Variants in TRMT9B observed in about 807,000 individuals in gnomAD.
The protein encoded by TRMT9B is tRNA methyltransferase 9B (putative), also known as probable tRNA methyltransferase 9B.
In TRMT9B, 16 loss-of-function variants were observed where a neutral mutation model predicts 11.5. The observed-to-expected ratio is 1.39, with a 90% CI of 0.94 to 2.11. The LOEUF (loss-of-function observed/expected upper bound fraction) is 2.11, where lower values mean the gene tolerates loss of function less well. Among genes scored for constraint, TRMT9B ranks in the 30% most tolerant of loss-of-function variants. The probability of loss-of-function intolerance (pLI) is 0.00; values close to 1 mark genes in which losing one functional copy is unlikely to be tolerated. For missense variants in TRMT9B, 941 were observed against 553.8 expected, an observed-to-expected ratio of 1.70 and a Z score of -7.02; for synonymous variants, 274 against 192.4, an observed-to-expected ratio of 1.42 and a Z score of -3.51.
intron 1 of TRMT9B, among the ~76,000 whole-genome samples, chr8:12,971,826 T>A (rs1183822869): frequency 2.0e-5 from 3 of 152,250 alleles, no homozygotes; most frequent in Non-Finnish European, 4.4e-5. Context: ...AGTGTTTAAA[T>A]ATTTCCTATT....
chr8:13,003,792 C>T (rs1257301966), intron 2 of TRMT9B, among the ~76,000 whole-genome samples: 2 of 150,900 alleles, frequency 1.3e-5, no homozygotes, highest in African/African-American at 4.9e-5. Flanking sequence ...ACCCTCCCCA[C>T]AAGGACCAGA....
chr8:12,961,539 A>G (rs1278147142), intron 1 of TRMT9B, among the ~76,000 whole-genome samples: 1 of 151,472 alleles, frequency 6.6e-6, no homozygotes, highest in Admixed American at 6.6e-5. Context: ...GTCTCTACTA[A>G]AAACACAAAA....
intron 1 of TRMT9B, among the ~76,000 whole-genome samples, chr8:12,972,302 GC>G (rs1331715778): frequency 6.6e-6 from 1 of 152,172 alleles, no homozygotes; most frequent in African/African-American, 2.4e-5. Flanking sequence ...TGGAGGCGGG[GC>G]TGGCCGGCTG....
Position 13,013,930 on chromosome 8 carries a change from C to T in TRMT9B, c.328+1073C>T, listed in dbSNP as rs184122333. ...CACCACTGCACTCCAGCCTGGATGA[C>T]AAGAGTGAGACTCATCTCAAAAAAA... On this transcript the variant is annotated intron_variant, in intron 4 of 4. Coordinates refer to ENST00000524591, the MANE Select transcript of TRMT9B (RefSeq NM_020844.3). 1.2e-4 allele frequency among the ~76,000 whole-genome samples: 18 copies of T among 152,108 alleles called. 1 individual carries two copies. Among genetic ancestry groups the T allele is most frequent in the Admixed American group, 5.9e-4 (9 of 15,282 alleles).
intron 4 of TRMT9B, among the ~76,000 whole-genome samples, chr8:13,015,320 A>G (rs1294761489): frequency 6.6e-6 from 1 of 152,000 alleles, no homozygotes; most frequent in Non-Finnish European, 1.5e-5. Flanking sequence ...TTTCAAGTGT[A>G]CATGTCTCGC....
chr8:12,974,103 C>G (rs1001604524), intron 1 of TRMT9B, among the ~76,000 whole-genome samples: 1 of 152,046 alleles, frequency 6.6e-6, no homozygotes, highest in Admixed American at 6.6e-5. Flanking sequence ...CCCAGGAATT[C>G]AAGGCTTCAG....
intron 1 of TRMT9B, chr8:12,959,998 T>C (rs1801872984): frequency 6.6e-6 from 1 of 152,194 alleles, no homozygotes; most frequent in South Asian, 2.1e-4. Context: ...AGAACATACG[T>C]GCAGCTGATC....
chr8:12,992,181 C>A lies in TRMT9B; in HGVS notation c.-2+1150C>A, dbSNP rs4484701. ...ATTGAGTGATGCTCTGTGTTCTGCACTATCCTAGGCTCTATGATGTACAGA... is the reference window on the plus strand; with the variant it reads ...ATTGAGTGATGCTCTGTGTTCTGCAATATCCTAGGCTCTATGATGTACAGA... On this transcript the variant is annotated intron_variant, in intron 2 of 4. Transcript: ENST00000524591. 7.5e-3 allele frequency among the ~76,000 whole-genome samples: 1,140 copies of A among 152,298 alleles called. 12 individuals carry two copies. Among genetic ancestry groups the A allele is most frequent in the Middle Eastern group, 0.024 (7 of 294 alleles).
chr8:12,993,022 G>C (rs767196080), intron 2 of TRMT9B, among the ~76,000 whole-genome samples: 5 of 152,232 alleles, frequency 3.3e-5, no homozygotes, highest in African/African-American at 7.2e-5. Flanking sequence ...GCCGGTGAGA[G>C]AGAATAGACT....
At chr8:13,000,141 C>T (rs1809147019) in intron 2 of TRMT9B, among the ~76,000 whole-genome samples, 2 of 152,168 alleles carry the variant, frequency 1.3e-5, no homozygotes, top group South Asian at 2.1e-4. Flanking sequence ...GGACAAGGAA[C>T]ATTTCATTGC....
At chr8:12,965,481 C>T (rs773176030) in intron 1 of TRMT9B, among the ~76,000 whole-genome samples, 1 of 152,184 alleles carries the variant, frequency 6.6e-6, no homozygotes, top group Admixed American at 6.5e-5. Flanking sequence ...GATCCCCGTC[C>T]AGAACCAAGG....
intron 1 of TRMT9B, among the ~76,000 whole-genome samples, chr8:12,983,483 A>G (rs1805745522): frequency 1.3e-5 from 2 of 152,138 alleles, no homozygotes; most frequent in Admixed American, 1.3e-4. Flanking sequence ...CAGCCTGACC[A>G]ACACGGTGAA....
In TRMT9B at chr8:13,024,776, A is replaced by T. The variant is rs1382580149; in HGVS notation, c.*2732A>T. On this transcript the variant is annotated 3_prime_UTR_variant, in exon 5 of 5. Coordinates refer to ENST00000524591, the MANE Select transcript of TRMT9B (RefSeq NM_020844.3). ...CTGACTAATAAGTCTTTTACTCTTC[A>T]TCTAATGAACATAAGAATCTATGCA... 6.0e-6 allele frequency: 1 copy of T among 167,058 alleles called. No individual in the cohort carries two copies. The highest frequency in any genetic ancestry group is 1.5e-5 in the Non-Finnish European group (1 of 68,128). The allele number at this position is 167,058 out of a possible 1,614,324, so 10.3% of individuals were successfully genotyped here.
intron 1 of TRMT9B, among the ~76,000 whole-genome samples, chr8:12,981,587 C>T (rs1227901665): frequency 1.3e-5 from 2 of 151,444 alleles, no homozygotes; most frequent in Non-Finnish European, 1.5e-5. Flanking sequence ...TCCTTTCTTT[C>T]TTTTATTTAT....
At chr8:12,987,230 T>A (rs909898377) in intron 1 of TRMT9B, among the ~76,000 whole-genome samples, 2 of 152,178 alleles carry the variant, frequency 1.3e-5, no homozygotes, top group Non-Finnish European at 2.9e-5. Flanking sequence ...ATCTGTAAAA[T>A]GGGAGAACTA....
At chr8:13,016,265 A>G (rs888088499) in intron 4 of TRMT9B, among the ~76,000 whole-genome samples, 2 of 146,392 alleles carry the variant, frequency 1.4e-5, no homozygotes, top group African/African-American at 4.9e-5. Context: ...TGAAATATAT[A>G]TTTATATATA....
intron 1 of TRMT9B, among the ~76,000 whole-genome samples, chr8:12,980,122 C>T (rs1421458960): frequency 6.6e-6 from 1 of 152,162 alleles, no homozygotes; most frequent in Non-Finnish European, 1.5e-5. Context: ...TGGCTGAAAA[C>T]AACAGAAATG....
At position 13,022,326 on chromosome 8, in the gene TRMT9B, C is replaced by G; in HGVS notation, c.*282C>G. ...AGTACACCTCAGACTTTTTTTTAAC[C>G]CCAGAGAGATAAAATACATGTATAG... On this transcript the variant is annotated 3_prime_UTR_variant, in exon 5 of 5. Coordinates refer to ENST00000524591, the MANE Select transcript of TRMT9B (RefSeq NM_020844.3). 2 of 302,552 alleles carry G rather than the reference C, an allele frequency of 6.6e-6. No homozygotes were observed. The highest frequency in any genetic ancestry group is 1.3e-5 in the Non-Finnish European group (2 of 157,408). The allele number at this position is 302,552 out of a possible 1,614,324, so 18.7% of individuals were successfully genotyped here.
At position 13,025,093 on chromosome 8, in the gene TRMT9B, C is replaced by CT. The variant is rs1171661997; in HGVS notation, c.*3051dup. 1 of 166,564 alleles carries CT rather than the reference C, an allele frequency of 6.0e-6. No homozygotes were observed. The highest frequency in any genetic ancestry group is 2.4e-5 in the African/African-American group (1 of 41,018). The allele number at this position is 166,564 out of a possible 1,614,324, so 10.3% of individuals were successfully genotyped here. A position where few individuals can be genotyped will look rare whatever the true frequency, so the allele number is the denominator to read the frequency against. On this transcript the variant is annotated 3_prime_UTR_variant, in exon 5 of 5. Coordinates refer to ENST00000524591, the MANE Select transcript of TRMT9B (RefSeq NM_020844.3). ...TGACCTAGCTGGAGTAATCTGATCA[C>CT]TTACTTCCTTATTAATACTAGATCA...
Sources: allele counts gnomAD v4.1 joint callset (sites outside exome capture counted in the v4.1 genomes callset), GRCh38; gene constraint gnomAD v4.1.1; transcripts MANE v1.5; gene names NCBI Gene and HGNC (gene_info 2026-07-23, HGNC 2026-07-21).